USP32: variants seen among roughly 807,000 people sequenced by gnomAD.
USP32 encodes ubiquitin carboxyl-terminal hydrolase 32.
Under a neutral mutation model 204.8 loss-of-function variants are expected in USP32, and 59 were observed. The observed-to-expected ratio is 0.29, with a 90% CI of 0.23 to 0.36. USP32 has a LOEUF of 0.36. Among genes scored for constraint, USP32 ranks in the 10% least tolerant of loss-of-function variants. The pLI, the probability that USP32 is intolerant of heterozygous loss-of-function variation, is 1.00. For synonymous variants in USP32, 517 were observed against 678.4 expected, an observed-to-expected ratio of 0.76 and a Z score of 3.70; for missense variants, 1,160 against 1,946.4, an observed-to-expected ratio of 0.60 and a Z score of 7.60.
intron 12 of USP32, among the ~76,000 whole-genome samples, chr17:60,230,458 A>G (rs1043808738): frequency 8.5e-5 from 13 of 152,240 alleles, no homozygotes; most frequent in African/African-American, 2.7e-4. Context: ...TAATTTGTGA[A>G]CAGGATGATT....
Position 60,251,282 on chromosome 17 carries a change from A to T in USP32, c.1136+1099T>A, listed in dbSNP as rs557132028. ...ATAAACTTGCCTTCACTTAAAAAAA[A>T]AATAATAATAATAAATAACCGTTTT... On this transcript the variant is annotated intron_variant, in intron 11 of 33. Transcript: ENST00000300896. 5.0e-3 allele frequency among the ~76,000 whole-genome samples: 768 copies of T among 152,158 alleles called. 5 individuals carry two copies. Among genetic ancestry groups the T allele is most frequent in the African/African-American group, 0.011 (457 of 41,550 alleles).
At chr17:60,235,399 GA>G (rs1453312355) in intron 12 of USP32, among the ~76,000 whole-genome samples, 2 of 151,984 alleles carry the variant, frequency 1.3e-5, no homozygotes, top group African/African-American at 2.4e-5. Context: ...TTTTACATGT[GA>G]AAACACATTA....
At chr17:60,335,564 GA>G (rs112949570) in intron 2 of USP32, among the ~76,000 whole-genome samples, 13,050 of 141,978 alleles carry the variant, frequency 0.092, 4,416 homozygotes, top group African/African-American at 0.38. Flanking sequence ...TGGTGAAGTA[GA>G]AAAAAATATA....
chr17:60,402,271 TAC>T, intron 1 of USP32, among the ~76,000 whole-genome samples: 1 of 136,252 alleles, frequency 7.3e-6, no homozygotes, highest in East Asian at 2.2e-4. Flanking sequence ...TTTTTTTTAA[TAC>T]AGAGTCTCAC....
At chr17:60,275,173 T>C (rs2086810019) in intron 5 of USP32, among the ~76,000 whole-genome samples, 1 of 152,136 alleles carries the variant, frequency 6.6e-6, no homozygotes, top group Non-Finnish European at 1.5e-5. Context: ...ATGAGAAGTA[T>C]TGGCCGGGCG....
intron 26 of USP32, among the ~76,000 whole-genome samples, chr17:60,199,588 C>T (rs1327233974): frequency 6.6e-6 from 1 of 152,180 alleles, no homozygotes; most frequent in African/African-American, 2.4e-5. Context: ...AACTTATCAA[C>T]TCACTAGGGG....
intron 1 of USP32, among the ~76,000 whole-genome samples, chr17:60,367,621 A>C (rs1488441801): frequency 6.6e-6 from 1 of 152,216 alleles, no homozygotes; most frequent in Non-Finnish European, 1.5e-5. Context: ...CAGCTTGGCC[A>C]CCATGGCAAA....
chr17:60,230,270 T>C (rs1043430992), intron 12 of USP32, among the ~76,000 whole-genome samples: 8 of 152,218 alleles, frequency 5.3e-5, no homozygotes, highest in Middle Eastern at 3.2e-3. Flanking sequence ...TTAACATGTT[T>C]GAAAGTCTTA....
intron 1 of USP32, among the ~76,000 whole-genome samples, chr17:60,379,899 G>A (rs376999104): frequency 2.0e-5 from 3 of 152,216 alleles, no homozygotes; most frequent in Admixed American, 2.0e-4. Context: ...CTAAATTTGT[G>A]CTTAAAACAG....
chr17:60,371,701 G>A (rs2089444933), intron 1 of USP32, among the ~76,000 whole-genome samples: 1 of 152,136 alleles, frequency 6.6e-6, no homozygotes, highest in Non-Finnish European at 1.5e-5. Context: ...AATCAGGATG[G>A]CTAAACTGAA....
Position 60,236,175 on chromosome 17 carries a change from A to G in USP32, c.1202T>C (p.Met401Thr). The change falls in exon 12 of 34, where the codon ATG (methionine) becomes ACG (threonine). Residue 401 changes from methionine to threonine, a missense_variant. Met to Thr is a moderately conservative substitution (Grantham distance 81, BLOSUM62 -1). Coordinates refer to ENST00000300896, the MANE Select transcript of USP32 (RefSeq NM_032582.4). ...TTCTTTCCACTGTTGCCACCACTGC[A>G]TGGAGATGATAAACCAGTTGTGTCC... ...QAGHNWFIIS[M>T]QWWQQWKEYV... 6.2e-7 allele frequency: 1 copy of G among 1,613,998 alleles called. No individual in the cohort carries two copies. Among genetic ancestry groups the G allele is most frequent in the Non-Finnish European group, 8.5e-7 (1 of 1,179,896 alleles).
chr17:60,308,860 C>T (rs768624890), intron 2 of USP32, among the ~76,000 whole-genome samples: 1 of 152,152 alleles, frequency 6.6e-6, no homozygotes, highest in Non-Finnish European at 1.5e-5. Flanking sequence ...ACCCAGGAGG[C>T]GGAGGTTGCA....
chr17:60,192,405 A>G (rs2084408696), intron 28 of USP32, among the ~76,000 whole-genome samples: 1 of 152,216 alleles, frequency 6.6e-6, no homozygotes, highest in Non-Finnish European at 1.5e-5. Context: ...TAAATCTCAA[A>G]AGCAAAACTT....
chr17:60,321,160 G>T (rs2088103873), intron 2 of USP32, among the ~76,000 whole-genome samples: 2 of 152,120 alleles, frequency 1.3e-5, no homozygotes, highest in South Asian at 2.1e-4. Context: ...GAACTCCTGG[G>T]TATACCTCCC....
intron 9 of USP32, among the ~76,000 whole-genome samples, chr17:60,260,839 T>C (rs889641987): frequency 1.3e-5 from 2 of 152,120 alleles, no homozygotes; most frequent in African/African-American, 4.8e-5. Flanking sequence ...GTAGTCAGAA[T>C]AGTATATCTT....
At chr17:60,208,333 T>G in intron 23 of USP32, 123 bp from the exon 24 acceptor site, 1 of 976,014 alleles carries the variant, frequency 1.0e-6, no homozygotes, top group Non-Finnish European at 1.4e-6. Flanking sequence ...GAATTTTTAT[T>G]TTATGTGTAA....
chr17:60,418,020 A>G (rs1598326650), intron 1 of USP32, among the ~76,000 whole-genome samples: 1 of 145,352 alleles, frequency 6.9e-6, no homozygotes, highest in Admixed American at 7.1e-5. Context: ...GTGCAATGGC[A>G]CGATCTCGGC....
intron 12 of USP32, among the ~76,000 whole-genome samples, chr17:60,233,219 A>C (rs1462617992): frequency 1.3e-5 from 2 of 152,148 alleles, no homozygotes; most frequent in Non-Finnish European, 2.9e-5. Context: ...TAATCCTAGC[A>C]CTCTGAGAGC....
At chr17:60,268,634 T>C (rs1467692452) in intron 7 of USP32, among the ~76,000 whole-genome samples, 2 of 143,908 alleles carry the variant, frequency 1.4e-5, no homozygotes, top group Non-Finnish European at 3.1e-5. Context: ...TAAGAGCAAA[T>C]TGTAATGGAA....
Sources: allele counts gnomAD v4.1 joint callset (sites outside exome capture counted in the v4.1 genomes callset), GRCh38; gene constraint gnomAD v4.1.1; transcripts MANE v1.5; gene names NCBI Gene and HGNC (gene_info 2026-07-23, HGNC 2026-07-21).